The following SLC29A4 variants were observed in gnomAD, a reference collection of about 807,000 sequenced individuals.
SLC29A4 encodes the protein equilibrative nucleoside transporter 4.
Under a neutral mutation model 43.9 loss-of-function variants are expected in SLC29A4, and 36 were observed. The observed-to-expected ratio is 0.82, with a 90% CI of 0.63 to 1.08. The LOEUF (loss-of-function observed/expected upper bound fraction) is 1.08. Among genes scored for constraint, SLC29A4 ranks in the 50% least tolerant of loss-of-function variants. SLC29A4 has a pLI of 0.00. For missense variants in SLC29A4, 869 were observed against 755.3 expected (o/e 1.15, Z -1.77); for synonymous variants, 491 against 338.0 (o/e 1.45, Z -4.97).
intron 1 of SLC29A4, among the ~76,000 whole-genome samples, chr7:5,283,288 C>G (rs1357551991): frequency 6.6e-6 from 1 of 151,676 alleles, no homozygotes; most frequent in Non-Finnish European, 1.5e-5. Context: ...AGCGCGGACC[C>G]GGACCCCTGG....
At chr7:5,295,824 C>G (rs954093753) in intron 6 of SLC29A4, among the ~76,000 whole-genome samples, 5 of 145,076 alleles carry the variant, frequency 3.4e-5, no homozygotes, top group African/African-American at 1.3e-4. Flanking sequence ...TGTGGTGTGG[C>G]CGAGCGAGAG....
At chr7:5,302,153 C>T (rs1308656704) in intron 10 of SLC29A4, among the ~76,000 whole-genome samples, 3 of 152,106 alleles carry the variant, frequency 2.0e-5, no homozygotes, top group Admixed American at 1.3e-4. Flanking sequence ...ATTTCACCAT[C>T]TTGGCCAGGC....
rs774617060 is a variant in SLC29A4 at position 5,300,637 on chromosome 7, G to T, written c.1425G>T (p.Val475=). Residue 475 remains valine, a synonymous_variant, in exon 10 of 11, where the codon GTG becomes GTT. Coordinates refer to ENST00000396872, the MANE Select transcript of SLC29A4 (RefSeq NM_153247.4). The part of the protein sequence containing the change: ...SVPMILAAGK[V]SPKQRELAGN... ...CCATGATCCTGGCGGCAGGCAAAGT[G>T]AGCCCCAAGCAGCGGGAGCTGGCAG... 3 of 1,609,688 alleles carry T rather than the reference G, an allele frequency of 1.9e-6. No homozygotes were observed. Among genetic ancestry groups the T allele is most frequent in the African/African-American group, 1.3e-5 (1 of 74,860 alleles).
At chr7:5,295,006 C>G in intron 6 of SLC29A4, 72 bp downstream of exon 6, 1 of 1,338,212 alleles carries the variant, frequency 7.5e-7, no homozygotes, top group Non-Finnish European at 1.0e-6. Context: ...TTCCCAGGGA[C>G]TCCCCATGAT....
At chr7:5,293,985 A>C (rs1785477928) in intron 5 of SLC29A4, among the ~76,000 whole-genome samples, 1 of 152,114 alleles carries the variant, frequency 6.6e-6, no homozygotes, top group Non-Finnish European at 1.5e-5. Flanking sequence ...GTGTGCCTGT[A>C]ATCCCAGTTA....
rs770239856 is a variant in SLC29A4 at position 5,302,852 on chromosome 7, C to T, written c.1506C>T (p.Ala502=). The T allele has an allele frequency of 1.2e-5, 19 of 1,595,972 alleles. No individual in the cohort carries two copies. The South Asian group carries it at 1.9e-4, about 16-fold the overall frequency. ...MSGLTLGSAV[A]YCTYSLTRDA... is the part of the protein sequence containing the mutation. Reference sequence around the variant, plus strand: ...GGCTGACGCTGGGGTCCGCCGTGGCCTACTGCACCTACAGCCTCACCCGCG... The same window carrying T: ...GGCTGACGCTGGGGTCCGCCGTGGCTTACTGCACCTACAGCCTCACCCGCG... The change falls in exon 11 of 11, where the codon GCC becomes GCT. Residue 502 remains alanine, a synonymous_variant. Coordinates refer to ENST00000396872, the MANE Select transcript of SLC29A4 (RefSeq NM_153247.4).
At position 5,297,063 on chromosome 7, in the gene SLC29A4, C is replaced by G; in HGVS notation, c.747C>G (p.His249Gln). The change falls in exon 7 of 11, where the codon CAC (histidine) becomes CAG (glutamine). Residue 249 changes from histidine (H) to glutamine (Q), a missense_variant. By Grantham distance (24) the His-to-Gln change is conservative. Transcript: ENST00000396872. ...VALELLCFLL[H>Q]LLVRRSRFVL... ...TGGAGCTGCTGTGTTTCCTGCTGCACCTGTTAGTGCGGCGCAGCCGCTTCG... is the reference window on the plus strand; with the variant it reads ...TGGAGCTGCTGTGTTTCCTGCTGCAGCTGTTAGTGCGGCGCAGCCGCTTCG... 1 of 1,608,066 alleles carries G rather than the reference C, an allele frequency of 6.2e-7. No homozygotes were observed. The highest frequency in any genetic ancestry group is 8.5e-7 in the Non-Finnish European group (1 of 1,179,796).
chr7:5,291,866 G>GACCCCATCCC (rs533443493), intron 5 of SLC29A4, 45 bp downstream of exon 5: 1 of 1,584,938 alleles, frequency 6.3e-7, no homozygotes, highest in Non-Finnish European at 8.6e-7. Context: ...GCCCACTTCC[G>GACCCCATCCC]ACCCCATCCC....
chr7:5,300,774 A>G (rs1786107766), intron 10 of SLC29A4, 112 bp downstream of exon 10: 1 of 1,408,510 alleles, frequency 7.1e-7, no homozygotes, highest in Admixed American at 2.7e-5. Flanking sequence ...CCGGGGGTTC[A>G]GAACAGTCAG....
intron 9 of SLC29A4, among the ~76,000 whole-genome samples, chr7:5,299,833 C>T (rs752862949): frequency 6.6e-6 from 1 of 152,240 alleles, no homozygotes; most frequent in Non-Finnish European, 1.5e-5. Flanking sequence ...GGGTAGATCA[C>T]TTGAGGCCAG....
In SLC29A4 at chr7:5,300,519, A is replaced by T. The variant is rs767585080; in HGVS notation, c.1307A>T (p.Tyr436Phe). Residue 436 changes from tyrosine (Y) to phenylalanine (F), a missense_variant, in exon 10 of 11, where the codon TAC becomes TTC. By Grantham distance (22) the Tyr-to-Phe change is conservative. Coordinates refer to ENST00000396872, the MANE Select transcript of SLC29A4 (RefSeq NM_153247.4). ...VFIPLFILCV[Y>F]PSGMPALRHP... ...ATCCCCCTCTTCATCCTGTGCGTCT[A>T]CCCCAGCGGCATGCCCGCCCTCCGT... 1.9e-6 allele frequency: 3 copies of T among 1,611,870 alleles called. No individual in the cohort carries two copies. Among genetic ancestry groups the T allele is most frequent in the Admixed American group, 1.7e-5 (1 of 59,998 alleles).
intron 10 of SLC29A4, among the ~76,000 whole-genome samples, chr7:5,302,171 G>C (rs183471601): frequency 1.3e-5 from 2 of 152,008 alleles, no homozygotes; most frequent in South Asian, 2.1e-4. Flanking sequence ...GGCTGGTCTC[G>C]AACTCCTAAC....
chr7:5,300,541 C>T lies in SLC29A4; in HGVS notation c.1329C>T (p.Leu443=). 1.2e-6 allele frequency: 2 copies of T among 1,612,370 alleles called. No individual in the cohort carries two copies. The highest frequency in any genetic ancestry group is 1.7e-6 in the Non-Finnish European group (2 of 1,179,774). ...TCTACCCCAGCGGCATGCCCGCCCT[C>T]CGTCACCCCGCCTGGCCCTGCATCT... ...LCVYPSGMPA[L]RHPAWPCIFS... The change falls in exon 10 of 11, where the codon CTC becomes CTT. Residue 443 remains leucine, a synonymous_variant. Transcript: ENST00000396872.
At chr7:5,284,656 G>T (rs1784849491) in intron 1 of SLC29A4, among the ~76,000 whole-genome samples, 2 of 152,306 alleles carry the variant, frequency 1.3e-5, no homozygotes, top group African/African-American at 4.8e-5. Context: ...GGATGTGGGG[G>T]GCCGGGAAGG....
At chr7:5,286,356 C>T (rs1784946853) in intron 1 of SLC29A4, among the ~76,000 whole-genome samples, 1 of 151,946 alleles carries the variant, frequency 6.6e-6, no homozygotes, top group African/African-American at 2.4e-5. Flanking sequence ...AACGCCATCT[C>T]TACTAAAAAT....
chr7:5,288,127 T>G, intron 2 of SLC29A4, 142 bp downstream of exon 2: 4 of 1,129,268 alleles, frequency 3.5e-6, no homozygotes, highest in Non-Finnish European at 3.7e-6. Flanking sequence ...GGATTAGATC[T>G]GCTGCATAAC....
intron 6 of SLC29A4, among the ~76,000 whole-genome samples, chr7:5,295,307 A>T (rs1785575360): frequency 6.6e-6 from 1 of 152,058 alleles, no homozygotes; most frequent in African/African-American, 2.4e-5. Context: ...ACATCACACC[A>T]TGCCTACAGC....
intron 6 of SLC29A4, among the ~76,000 whole-genome samples, chr7:5,296,160 G>A (rs1175954152): frequency 6.6e-6 from 1 of 152,112 alleles, no homozygotes; most frequent in Non-Finnish European, 1.5e-5. Flanking sequence ...CTGTCCTGCA[G>A]ACCTCCGCGT....
At chr7:5,285,426 G>A (rs529854827) in intron 1 of SLC29A4, among the ~76,000 whole-genome samples, 5 of 152,362 alleles carry the variant, frequency 3.3e-5, no homozygotes, top group Admixed American at 2.0e-4. Flanking sequence ...AATTACCTGC[G>A]TTGGCCCCCA....
Sources: allele counts gnomAD v4.1 joint callset (sites outside exome capture counted in the v4.1 genomes callset), GRCh38; gene constraint gnomAD v4.1.1; transcripts MANE v1.5; gene names NCBI Gene and HGNC (gene_info 2026-07-23, HGNC 2026-07-21).